KIF5A: variants seen among roughly 807,000 people sequenced by gnomAD.
KIF5A encodes kinesin heavy chain isoform 5A.
KIF5A carries 35 observed loss-of-function variants against 141.3 expected under a neutral mutation model. That is an observed-to-expected ratio of 0.25 (90% confidence interval 0.19 to 0.33). KIF5A has a LOEUF of 0.33. Ranked by LOEUF, KIF5A falls within the 10% of genes least tolerant of loss-of-function variation. The probability of loss-of-function intolerance (pLI) is 1.00; values close to 1 mark genes in which losing one functional copy is unlikely to be tolerated. For missense variants in KIF5A, 861 were observed against 1,314.3 expected, an observed-to-expected ratio of 0.66 and a Z score of 5.33; for synonymous variants, 448 against 500.2, an observed-to-expected ratio of 0.90 and a Z score of 1.39.
At chr12:57,571,299 C>A in intron 12 of KIF5A, 22 bp from the exon 13 acceptor site, 1 of 1,452,266 alleles carries the variant, frequency 6.9e-7, no homozygotes, top group Non-Finnish European at 9.7e-7. Context: ...CTTCACCTGT[C>A]TTTCCCTGTT....
In KIF5A at chr12:57,550,287, A is replaced by G. The variant is rs1434215781; in HGVS notation, c.16A>G (p.Asn6Asp). 1 of 1,614,012 alleles carries G rather than the reference A, an allele frequency of 6.2e-7. No homozygotes were observed. Among genetic ancestry groups the G allele is most frequent in the Non-Finnish European group, 8.5e-7 (1 of 1,180,016 alleles). MAETNNECSIKVLCRF... is the reference protein window; with the variant it reads MAETNDECSIKVLCRF... ...GGCTACCACCATGGCGGAGACCAAC[A>G]ACGAATGTAGCATCAAGGTGCTCTG... Residue 6 changes from asparagine (N) to aspartate (D), a missense_variant, in exon 1 of 29, where the codon AAC becomes GAC. Asn to Asp is a conservative substitution (Grantham distance 23). Around this residue, in one of 5 missense-constraint regions of KIF5A, gnomAD observed 59 missense variants for 81.1 expected, o/e 0.73. Transcript: ENST00000455537. The surrounding 1 kb of genome is among the most constrained non-coding windows in gnomAD (Gnocchi z 4.6).
rs746810755 is a variant in KIF5A at position 57,550,430 on chromosome 12, A to AG, written c.129+35dup. 4 of 1,612,632 alleles carry AG rather than the reference A, an allele frequency of 2.5e-6. No homozygotes were observed. Among genetic ancestry groups the AG allele is most frequent in the Non-Finnish European group, 3.4e-6 (4 of 1,179,274 alleles). On this transcript the variant is annotated intron_variant, in intron 1 of 28. Transcript: ENST00000455537. The surrounding 1 kb of genome is among the most constrained non-coding windows in gnomAD (Gnocchi z 4.6). ...GTGTCGCCCAGGAGGGAATTCGGGG[A>AG]GGGGGCAGGTGGCTGAATCTCCCCG...
intron 8 of KIF5A, among the ~76,000 whole-genome samples, chr12:57,568,155 A>G (rs996312405): frequency 1.3e-5 from 2 of 152,142 alleles, no homozygotes; most frequent in African/African-American, 4.8e-5. Flanking sequence ...TGCTGGGACT[A>G]CAGGCATGAG....
intron 23 of KIF5A, 137 bp from the exon 24 acceptor site, chr12:57,580,819 T>C: frequency 1.3e-6 from 1 of 776,036 alleles, no homozygotes; most frequent in Non-Finnish European, 2.2e-6. Context: ...TTTGAGGAAA[T>C]GACATGGTCT....
chr12:57,576,921 C>T, intron 20 of KIF5A, 59 bp downstream of exon 20: 1 of 1,270,992 alleles, frequency 7.9e-7, no homozygotes, highest in South Asian at 1.2e-5. Context: ...ACTGTGAACT[C>T]AGACACGCTT....
chr12:57,583,476 G>A (rs866186847), intron 28 of KIF5A, among the ~76,000 whole-genome samples: 1 of 152,084 alleles, frequency 6.6e-6, no homozygotes, highest in Non-Finnish European at 1.5e-5. Context: ...TTGCCACTAG[G>A]GGTCACTGTC....
rs1882283445 is a variant in KIF5A at position 57,572,396 on chromosome 12, T to C, written c.1569+129T>C. Reference sequence around the variant, plus strand: ...GCACTGCTGTTCAGTGCATTGTGAGTCCCTCCCCAACCCTGTCACTGCACT... The same window carrying C: ...GCACTGCTGTTCAGTGCATTGTGAGCCCCTCCCCAACCCTGTCACTGCACT... On this transcript the variant is annotated intron_variant, in intron 14 of 28. Coordinates refer to ENST00000455537, the MANE Select transcript of KIF5A (RefSeq NM_004984.4). The surrounding 1 kb of genome is among the most constrained non-coding windows in gnomAD (Gnocchi z 4.2). 3.2e-6 allele frequency: 4 copies of C among 1,244,602 alleles called. No homozygotes were observed. Among genetic ancestry groups the C allele is most frequent in the Non-Finnish European group, 4.6e-6 (4 of 870,668 alleles). The allele number at this position is 1,244,602 out of a possible 1,614,324, so 77.1% of individuals were successfully genotyped here. A position where few individuals can be genotyped will look rare whatever the true frequency, so the allele number is the denominator to read the frequency against.
chr12:57,569,832 G>A, intron 11 of KIF5A, 149 bp downstream of exon 11: 1 of 1,391,728 alleles, frequency 7.2e-7, no homozygotes, highest in South Asian at 1.4e-5. Context: ...CAGTCATGGG[G>A]GAAGGGAGGG....
In KIF5A at chr12:57,580,873, C is replaced by A. The variant is rs112626342; in HGVS notation, c.2539-83C>A. 7.9e-6 allele frequency: 10 copies of A among 1,259,094 alleles called. No homozygotes were observed. The African/African-American group carries it at 8.8e-5, about 11-fold the overall frequency. The allele number at this position is 1,259,094 out of a possible 1,614,324, so 78.0% of individuals were successfully genotyped here. On this transcript the variant is annotated intron_variant, in intron 23 of 28. Transcript: ENST00000455537. ...GATTTTTCTTTATTCTCTCTCCTCA[C>A]CCCTGTCCCCTACGCTCCTCTGGGT...
chr12:57,580,611 C>T (rs1201062508), intron 23 of KIF5A, among the ~76,000 whole-genome samples: 1 of 152,176 alleles, frequency 6.6e-6, no homozygotes, highest in Non-Finnish European at 1.5e-5. Context: ...ATTGATCTGG[C>T]ACATGCTGGG....
intron 1 of KIF5A, among the ~76,000 whole-genome samples, chr12:57,558,854 C>T (rs1266557923): frequency 6.6e-6 from 1 of 152,194 alleles, no homozygotes; most frequent in Non-Finnish European, 1.5e-5. Context: ...TGGCTCACTG[C>T]AACCTTCACC....
At position 57,550,255 on chromosome 12, in the gene KIF5A, C is replaced by A; in HGVS notation, c.-17C>A. On this transcript the variant is annotated 5_prime_UTR_variant, in exon 1 of 29. Coordinates refer to ENST00000455537, the MANE Select transcript of KIF5A (RefSeq NM_004984.4). This position sits in a 1 kb window ranked among gnomAD's most constrained non-coding sequence, Gnocchi z 4.6. Reference sequence around the variant, plus strand: ...CTGCAGCCCAAGAAGAGTCCCAGCCCCACGCCGGCTACCACCATGGCGGAG... The same window carrying A: ...CTGCAGCCCAAGAAGAGTCCCAGCCACACGCCGGCTACCACCATGGCGGAG... The A allele has an allele frequency of 1.2e-6, 2 of 1,613,912 alleles. No homozygotes were observed. Among genetic ancestry groups the A allele is most frequent in the Non-Finnish European group, 1.7e-6 (2 of 1,179,990 alleles).
chr12:57,557,114 C>T (rs980253138), intron 1 of KIF5A, among the ~76,000 whole-genome samples: 29 of 152,036 alleles, frequency 1.9e-4, no homozygotes, highest in African/African-American at 6.0e-4. Context: ...CATAATTATG[C>T]GCCTAATATA....
rs575777188 is a variant in KIF5A, at chr12:57,564,984, G to A, written c.501+11G>A. The A allele has an allele frequency of 5.6e-6, 9 of 1,613,500 alleles. No individual in the cohort carries two copies. The African/African-American group carries it at 1.2e-4, about 22-fold the overall frequency. ...GTGCCATTTGTCAAGGTGAGAGTGG[G>A]TGTGGGGCACCTATGTGGGGCCAGT... On this transcript the variant is annotated intron_variant, in intron 6 of 28. Transcript: ENST00000455537.
chr12:57,579,021 G>A (rs1318142706), intron 23 of KIF5A, among the ~76,000 whole-genome samples: 2 of 152,050 alleles, frequency 1.3e-5, no homozygotes, highest in African/African-American at 2.4e-5. Flanking sequence ...CTGTGATCAT[G>A]CCACTGCACT....
At chr12:57,577,859 T>C in intron 21 of KIF5A, 86 bp downstream of exon 21, 2 of 1,311,596 alleles carry the variant, frequency 1.5e-6, no homozygotes, top group Non-Finnish European at 2.2e-6. Context: ...TCCTGCCCTT[T>C]TGCAGCCATT....
Position 57,571,478 on chromosome 12 carries a change from A to G in KIF5A, c.1362+89A>G, listed in dbSNP as rs1223376519. 3 of 1,353,868 alleles carry G rather than the reference A, an allele frequency of 2.2e-6. No homozygotes were observed. In the Admixed American group the frequency reaches 5.7e-5, roughly 26 times the overall value. The allele number at this position is 1,353,868 out of a possible 1,614,324, so 83.9% of individuals were successfully genotyped here. ...ATAGACCTTTTTAAAATCAGATGGAAGAAGGCGCTTTCTGCTTGGGGATTA... is the reference window on the plus strand; with the variant it reads ...ATAGACCTTTTTAAAATCAGATGGAGGAAGGCGCTTTCTGCTTGGGGATTA... On this transcript the variant is annotated intron_variant, in intron 13 of 28. Transcript: ENST00000455537.
At chr12:57,563,064 T>C (rs1881958740) in intron 1 of KIF5A, among the ~76,000 whole-genome samples, 1 of 151,384 alleles carries the variant, frequency 6.6e-6, no homozygotes, top group African/African-American at 2.4e-5. Context: ...TGGAGTGCAG[T>C]GGCGCAATCT....
chr12:57,574,095 AAAAG>A (rs1482959621), intron 15 of KIF5A, among the ~76,000 whole-genome samples: 2 of 151,704 alleles, frequency 1.3e-5, no homozygotes, highest in Non-Finnish European at 2.9e-5. Flanking sequence ...AAAAAAAAAA[AAAAG>A]CAGCAGCAAC....
Sources: gnomAD v4.1 joint callset for allele counts (sites outside exome capture counted in the v4.1 genomes callset) on GRCh38, gnomAD v4.1.1 for gene constraint, gnomAD v4.1.1 regional missense constraint, Gnocchi (gnomAD v3.1) non-coding constraint, MANE v1.5 for transcripts, NCBI Gene and HGNC (gene_info 2026-07-23, HGNC 2026-07-21) for gene names.